The following SYT1 variants were observed in gnomAD, a reference collection of about 807,000 sequenced individuals.
SYT1 encodes synaptotagmin-1.
In SYT1, 8 loss-of-function variants were observed where a neutral mutation model predicts 44.8. The observed-to-expected ratio is 0.18, with a 90% CI of 0.10 to 0.32. The LOEUF (loss-of-function observed/expected upper bound fraction) is 0.32, where lower values mean the gene tolerates loss of function less well. Ranked by LOEUF, SYT1 falls within the 10% of genes least tolerant of loss-of-function variation. SYT1 has a pLI of 1.00. For synonymous variants in SYT1, 154 were observed against 188.8 expected (o/e 0.82, Z 1.51); for missense variants, 286 against 509.3 (o/e 0.56, Z 4.22).
At chr12:78,998,006 A>G (rs1404865831) in intron 2 of SYT1, among the ~76,000 whole-genome samples, 2 of 152,110 alleles carry the variant, frequency 1.3e-5, no homozygotes, top group Non-Finnish European at 2.9e-5. Context: ...ACAAGTGACA[A>G]ATTGGCTCCT....
chr12:79,194,999 G>T (rs1454941136), intron 3 of SYT1, among the ~76,000 whole-genome samples: 3 of 152,124 alleles, frequency 2.0e-5, no homozygotes, highest in Non-Finnish European at 4.4e-5. Context: ...CACAAATTCT[G>T]TTAACCTTGA....
At chr12:78,925,711 C>T (rs1182390309) in intron 1 of SYT1, among the ~76,000 whole-genome samples, 4 of 151,824 alleles carry the variant, frequency 2.6e-5, no homozygotes, top group Non-Finnish European at 4.4e-5. Flanking sequence ...ATTTAGGTCT[C>T]AAAAAATCTA....
At chr12:79,440,391 A>G (rs1251844243) in intron 9 of SYT1, among the ~76,000 whole-genome samples, 2 of 152,202 alleles carry the variant, frequency 1.3e-5, no homozygotes, top group East Asian at 3.9e-4. Context: ...GTTTTGGGGA[A>G]CAGAATGAAT....
chr12:79,354,934 C>A (rs1883052180), intron 9 of SYT1, among the ~76,000 whole-genome samples: 1 of 152,074 alleles, frequency 6.6e-6, no homozygotes, highest in African/African-American at 2.4e-5. Flanking sequence ...ATGCTTTGTC[C>A]CAAATATCCA....
At chr12:79,258,200 G>A (rs151030522) in intron 4 of SYT1, among the ~76,000 whole-genome samples, 187 of 152,256 alleles carry the variant, frequency 1.2e-3, no homozygotes, top group Non-Finnish European at 2.4e-3. Flanking sequence ...GAATACTAAG[G>A]AATAATCATT....
intron 2 of SYT1, among the ~76,000 whole-genome samples, chr12:79,045,292 C>T (rs1413524146): frequency 1.3e-5 from 2 of 152,220 alleles, no homozygotes; most frequent in Admixed American, 6.5e-5. Context: ...GCGTAGGACC[C>T]GCCGAGCCAG....
intron 2 of SYT1, among the ~76,000 whole-genome samples, chr12:79,020,642 A>G (rs1872130123): frequency 6.6e-6 from 1 of 151,918 alleles, no homozygotes; most frequent in Non-Finnish European, 1.5e-5. Context: ...TGGAAAATAG[A>G]TGGATACATC....
At chr12:79,036,164 G>C (rs893856943) in intron 2 of SYT1, among the ~76,000 whole-genome samples, 3 of 151,730 alleles carry the variant, frequency 2.0e-5, no homozygotes, top group African/African-American at 7.3e-5. Context: ...CAAATATATA[G>C]TGCATGGCCT....
rs866792437 is a variant in SYT1, at chr12:79,117,716, A to T, written c.-18+70354A>T. Among the ~76,000 whole-genome samples the T allele has an allele frequency of 3.1e-3, 291 of 92,584 alleles. 2 individuals are homozygous for T. Among genetic ancestry groups the T allele is most frequent in the African/African-American group, 9.1e-3 (237 of 26,184 alleles). 60.7% of individuals were successfully genotyped at this position (92,584 alleles called of 152,430 possible). A position where few individuals can be genotyped will look rare whatever the true frequency, so the allele number is the denominator to read the frequency against. ...ATATATATATATATATATATATATA[A>T]AATAAATAGGTTGCATACAGAAGAT... On this transcript the variant is annotated intron_variant, in intron 3 of 10. Transcript: ENST00000261205.
chr12:79,008,725 G>A (rs1871240586), intron 2 of SYT1, among the ~76,000 whole-genome samples: 1 of 152,068 alleles, frequency 6.6e-6, no homozygotes, highest in Non-Finnish European at 1.5e-5. Flanking sequence ...TACGTAAGGT[G>A]CTCCAAATGC....
At chr12:79,032,099 T>A (rs994701525) in intron 2 of SYT1, among the ~76,000 whole-genome samples, 1 of 151,230 alleles carries the variant, frequency 6.6e-6, no homozygotes, top group African/African-American at 2.4e-5. Context: ...GCTCCATGAT[T>A]CAACTGTACC....
intron 2 of SYT1, among the ~76,000 whole-genome samples, chr12:79,031,817 A>C (rs934724182): frequency 6.6e-6 from 1 of 151,086 alleles, no homozygotes; most frequent in African/African-American, 2.4e-5. Flanking sequence ...AATGTCTAGA[A>C]TATATGCCCA....
intron 1 of SYT1, chr12:78,955,400 T>A (rs1879156164): frequency 6.6e-6 from 1 of 152,126 alleles, no homozygotes. Context: ...ACCATTTGGG[T>A]CATTATAACA....
chr12:79,242,118 C>A (rs1420767482), intron 4 of SYT1, among the ~76,000 whole-genome samples: 1 of 152,212 alleles, frequency 6.6e-6, no homozygotes, highest in Non-Finnish European at 1.5e-5. Context: ...GAATAAATTT[C>A]TGTTGTTTTC....
At chr12:79,011,240 A>C (rs1871387417) in intron 2 of SYT1, among the ~76,000 whole-genome samples, 1 of 152,194 alleles carries the variant, frequency 6.6e-6, no homozygotes, top group Non-Finnish European at 1.5e-5. Context: ...AGTATTTATT[A>C]ATTGCTAGGT....
chr12:79,178,271 G>C (rs1338737389), intron 3 of SYT1, among the ~76,000 whole-genome samples: 2 of 151,786 alleles, frequency 1.3e-5, no homozygotes, highest in African/African-American at 2.4e-5. Context: ...TGTGAAGACT[G>C]TTCTCTTCCT....
At chr12:79,090,687 G>A (rs1308847877) in intron 3 of SYT1, among the ~76,000 whole-genome samples, 1 of 152,096 alleles carries the variant, frequency 6.6e-6, no homozygotes, top group East Asian at 1.9e-4. Flanking sequence ...TGCACAGGGA[G>A]CTACACAAAA....
At chr12:79,180,453 A>G (rs1872456770) in intron 3 of SYT1, among the ~76,000 whole-genome samples, 1 of 137,082 alleles carries the variant, frequency 7.3e-6, no homozygotes, top group Non-Finnish European at 1.6e-5. Flanking sequence ...ATAAAGAAGT[A>G]TCTGAGACTG....
intron 1 of SYT1, among the ~76,000 whole-genome samples, chr12:78,932,755 A>G (rs1877824968): frequency 6.6e-6 from 1 of 152,200 alleles, no homozygotes; most frequent in Non-Finnish European, 1.5e-5. Flanking sequence ...AATTTGTACC[A>G]ATAAAAATCA....
Sources: gnomAD v4.1 joint callset for allele counts (sites outside exome capture counted in the v4.1 genomes callset) on GRCh38, gnomAD v4.1.1 for gene constraint, MANE v1.5 for transcripts, NCBI Gene and HGNC (gene_info 2026-07-23, HGNC 2026-07-21) for gene names.